The following PPP3CA variants were observed in gnomAD, a reference collection of about 807,000 sequenced individuals.
PPP3CA encodes the protein protein phosphatase 3 catalytic subunit alpha, also known as CAM-PRP catalytic subunit.
In PPP3CA, 14 loss-of-function variants were observed where a neutral mutation model predicts 66.5. The ratio of observed to expected loss-of-function variants is 0.21; its 90% CI spans 0.14 to 0.33. The LOEUF is 0.33. Ranked by LOEUF, PPP3CA falls within the 10% of genes least tolerant of loss-of-function variation. PPP3CA has a pLI of 1.00. For synonymous variants in PPP3CA, 232 were observed against 226.2 expected, an observed-to-expected ratio of 1.03 and a Z score of -0.23; for missense variants, 317 against 639.5, an observed-to-expected ratio of 0.50 and a Z score of 5.44.
chr4:101,033,134 A>G (rs2110205969), intron 11 of PPP3CA, among the ~76,000 whole-genome samples: 1 of 152,266 alleles, frequency 6.6e-6, no homozygotes, highest in East Asian at 1.9e-4. Flanking sequence ...TTAAATAACC[A>G]TGACTAAATA....
intron 3 of PPP3CA, among the ~76,000 whole-genome samples, chr4:101,103,057 TCTC>T (rs1730518924): frequency 1.3e-5 from 2 of 152,346 alleles, no homozygotes; most frequent in South Asian, 2.1e-4. Flanking sequence ...TGTTTAATTT[TCTC>T]CTATCTTCCC....
intron 1 of PPP3CA, among the ~76,000 whole-genome samples, chr4:101,283,507 A>G (rs1220033157): frequency 6.6e-6 from 1 of 152,222 alleles, no homozygotes; most frequent in Non-Finnish European, 1.5e-5. Context: ...CAATACAAGT[A>G]AATTAACAAA....
intron 2 of PPP3CA, among the ~76,000 whole-genome samples, chr4:101,166,808 A>G (rs1723708281): frequency 6.6e-6 from 1 of 152,196 alleles, no homozygotes; most frequent in Admixed American, 6.5e-5. Context: ...TACATTGTAT[A>G]TTTCCTTAGG....
chr4:101,272,282 C>G (rs1408907542), intron 1 of PPP3CA, among the ~76,000 whole-genome samples: 1 of 152,122 alleles, frequency 6.6e-6, no homozygotes, highest in Non-Finnish European at 1.5e-5. Context: ...GGAAGTACTA[C>G]TAGTTCCATT....
chr4:101,193,450 C>T lies in PPP3CA; in HGVS notation c.259+2466G>A, dbSNP rs1286965379. 2.0e-5 allele frequency among the ~76,000 whole-genome samples: 3 copies of T among 152,148 alleles called. No individual in the cohort carries two copies. In the East Asian group the frequency reaches 5.8e-4, roughly 29 times the overall value. ...CAAATTAAAAATCTGAAACAGCTAC[C>T]AGTCTAGTCAGCCATGTTAGCTGAA... is the stretch of plus-strand genomic sequence containing the variant. On this transcript the variant is annotated intron_variant, in intron 2 of 13. Coordinates refer to ENST00000394854, the MANE Select transcript of PPP3CA (RefSeq NM_000944.5).
chr4:101,032,099 T>C (rs776762582), intron 12 of PPP3CA, among the ~76,000 whole-genome samples, 168 bp downstream of exon 12: 10 of 152,210 alleles, frequency 6.6e-5, no homozygotes. Context: ...GAGGGAGCTA[T>C]TATGTTGGAC....
At chr4:101,167,207 C>T (rs1442811905) in intron 2 of PPP3CA, among the ~76,000 whole-genome samples, 1 of 152,120 alleles carries the variant, frequency 6.6e-6, no homozygotes, top group African/African-American at 2.4e-5. Flanking sequence ...CTTTAGACAG[C>T]AATAGGGATG....
intron 2 of PPP3CA, among the ~76,000 whole-genome samples, chr4:101,188,087 G>A (rs1197335279): frequency 3.3e-5 from 5 of 152,104 alleles, no homozygotes; most frequent in African/African-American, 4.8e-5. Flanking sequence ...TTCAGAGATC[G>A]TGAGAGTTAA....
chr4:101,151,428 C>T (rs765333723), intron 2 of PPP3CA, among the ~76,000 whole-genome samples: 18 of 151,428 alleles, frequency 1.2e-4, no homozygotes, highest in South Asian at 2.1e-4. Flanking sequence ...AGCGTGGTGG[C>T]GGACTCCTGT....
intron 1 of PPP3CA, among the ~76,000 whole-genome samples, chr4:101,220,089 A>G (rs1449580713): frequency 6.6e-6 from 1 of 151,844 alleles, no homozygotes; most frequent in African/African-American, 2.4e-5. Flanking sequence ...AGATGATCAC[A>G]CTTAGGAAGA....
chr4:101,214,976 T>A (rs928785267), intron 1 of PPP3CA, among the ~76,000 whole-genome samples: 3 of 152,036 alleles, frequency 2.0e-5, no homozygotes, highest in African/African-American at 7.2e-5. Context: ...GGAAACACTA[T>A]TCACTCTAAT....
Position 101,154,613 on chromosome 4 carries a change from T to C in PPP3CA, c.259+41303A>G, listed in dbSNP as rs186343284. Among the ~76,000 whole-genome samples, 179 of 152,250 alleles carry C rather than the reference T, an allele frequency of 1.2e-3. 1 individual carries two copies. Among genetic ancestry groups the C allele is most frequent in the Non-Finnish European group, 1.1e-3 (72 of 68,024 alleles). On this transcript the variant is annotated intron_variant, in intron 2 of 13. Transcript: ENST00000394854. ...ATAGAGAGTCACTGGATTTTAGAAA[T>C]TGCTGCTTAGACTCTACCCAGTGTA...
At chr4:101,152,730 G>A (rs1357150827) in intron 2 of PPP3CA, among the ~76,000 whole-genome samples, 2 of 152,148 alleles carry the variant, frequency 1.3e-5, no homozygotes, top group Non-Finnish European at 2.9e-5. Flanking sequence ...CATGGGGCAA[G>A]CACAGTATGA....
intron 1 of PPP3CA, among the ~76,000 whole-genome samples, chr4:101,280,045 T>C (rs1177662156): frequency 6.6e-6 from 1 of 152,188 alleles, no homozygotes; most frequent in Non-Finnish European, 1.5e-5. Flanking sequence ...TCAATGTATA[T>C]TAATTGAGCA....
At chr4:101,263,839 T>C (rs1208470703) in intron 1 of PPP3CA, among the ~76,000 whole-genome samples, 1 of 152,186 alleles carries the variant, frequency 6.6e-6, no homozygotes, top group African/African-American at 2.4e-5. Context: ...AAGGTACCAT[T>C]CAAGGGTTTT....
chr4:101,159,761 A>G (rs958632343), intron 2 of PPP3CA, among the ~76,000 whole-genome samples: 2 of 152,172 alleles, frequency 1.3e-5, no homozygotes, highest in Admixed American at 1.3e-4. Context: ...ATTGCAAAAT[A>G]CCAGAAATAA....
At chr4:101,053,222 TACGTGCC>T (rs1728085104) in intron 10 of PPP3CA, among the ~76,000 whole-genome samples, 1 of 152,178 alleles carries the variant, frequency 6.6e-6, no homozygotes, top group African/African-American at 2.4e-5. Context: ...ATTTCAATTT[TACGTGCC>T]ACTGTAAAAA....
At chr4:101,237,735 T>C (rs940144476) in intron 1 of PPP3CA, among the ~76,000 whole-genome samples, 2 of 152,072 alleles carry the variant, frequency 1.3e-5, no homozygotes, top group Non-Finnish European at 1.5e-5. Flanking sequence ...CAAAGTCTGA[T>C]ACTTGGGGGG....
chr4:101,139,144 A>T (rs1722716706), intron 2 of PPP3CA, among the ~76,000 whole-genome samples: 1 of 152,048 alleles, frequency 6.6e-6, no homozygotes, highest in Non-Finnish European at 1.5e-5. Flanking sequence ...GGAGATCAAG[A>T]CCATCCTGCT....
Sources: gnomAD v4.1 joint callset for allele counts (sites outside exome capture counted in the v4.1 genomes callset) on GRCh38, gnomAD v4.1.1 for gene constraint, MANE v1.5 for transcripts, NCBI Gene and HGNC (gene_info 2026-07-23, HGNC 2026-07-21) for gene names.